The following GLIS3 variants were observed in gnomAD, a reference collection of about 807,000 sequenced individuals.
GLIS3 encodes the protein zinc finger protein GLIS3.
GLIS3 carries 53 observed loss-of-function variants against 78.6 expected under a neutral mutation model. The ratio of observed to expected loss-of-function variants is 0.67; its 90% CI spans 0.54 to 0.85. The LOEUF (loss-of-function observed/expected upper bound fraction) is 0.85. Ranked by LOEUF, GLIS3 falls within the 40% of genes least tolerant of loss-of-function variation. The pLI, the probability that GLIS3 is intolerant of heterozygous loss-of-function variation, is 0.00. For missense variants in GLIS3, 1,703 were observed against 1,231.1 expected (o/e 1.38, Z -5.74); for synonymous variants, 684 against 509.9 (o/e 1.34, Z -4.60).
At chr9:4,158,720 TCCC>T (rs967959719) in intron 2 of GLIS3, among the ~76,000 whole-genome samples, 2 of 152,102 alleles carry the variant, frequency 1.3e-5, no homozygotes, top group Non-Finnish European at 2.9e-5. Flanking sequence ...CAAGTAACAT[TCCC>T]CCATTTTCAT....
chr9:4,313,277 A>G (rs990326222), intron 2 of GLIS3, among the ~76,000 whole-genome samples: 4 of 152,300 alleles, frequency 2.6e-5, no homozygotes, highest in Middle Eastern at 6.8e-3. Flanking sequence ...GTCTGCCTCC[A>G]TAGCCCACAG....
intron 2 of GLIS3, among the ~76,000 whole-genome samples, chr9:4,221,557 T>C (rs1264260051): frequency 6.6e-6 from 1 of 152,214 alleles, no homozygotes; most frequent in African/African-American, 2.4e-5. Flanking sequence ...TTTCTCTAGA[T>C]TTAATTCAGA....
the GLIS3 span, among the ~76,000 whole-genome samples, chr9:4,489,601 A>G: frequency 6.6e-6 from 1 of 152,172 alleles, no homozygotes; most frequent in Non-Finnish European, 1.5e-5. Flanking sequence ...TCACTTAGCA[A>G]CACCAAATAT....
chr9:4,219,251 G>C (rs1821114832), intron 2 of GLIS3, among the ~76,000 whole-genome samples: 1 of 152,186 alleles, frequency 6.6e-6, no homozygotes. Flanking sequence ...CCAACATCAA[G>C]TACATAGGCT....
At chr9:4,204,922 A>T (rs1013586574) in intron 2 of GLIS3, among the ~76,000 whole-genome samples, 13 of 151,438 alleles carry the variant, frequency 8.6e-5, no homozygotes, top group African/African-American at 3.1e-4. Context: ...TCAAAAAAAA[A>T]GAAGGAGTCA....
At chr9:4,260,416 A>T (rs1205126931) in intron 2 of GLIS3, among the ~76,000 whole-genome samples, 1 of 151,956 alleles carries the variant, frequency 6.6e-6, no homozygotes, top group Non-Finnish European at 1.5e-5. Context: ...AAAATACAAG[A>T]ATTAGCTTGG....
intron 4 of GLIS3, among the ~76,000 whole-genome samples, chr9:3,960,325 C>T (rs1002943223): frequency 6.6e-6 from 1 of 152,204 alleles, no homozygotes; most frequent in Admixed American, 6.5e-5. Flanking sequence ...ATCTCCAGAA[C>T]TGTGAGACAA....
intron 2 of GLIS3, among the ~76,000 whole-genome samples, chr9:4,159,030 GAAGAAA>G (rs1835266092): frequency 1.3e-5 from 1 of 79,092 alleles, no homozygotes. Flanking sequence ...GAAAGGAGAA[GAAGAAA>G]AAAAAAAAAA....
intron 2 of GLIS3, among the ~76,000 whole-genome samples, chr9:4,332,186 G>C (rs1563935976): frequency 1.3e-5 from 2 of 152,120 alleles, no homozygotes; most frequent in Non-Finnish European, 1.5e-5. Flanking sequence ...TCCCAAAATA[G>C]AAGAAAATAC....
the GLIS3 span, among the ~76,000 whole-genome samples, chr9:4,413,259 G>A: frequency 1.1e-4 from 17 of 152,278 alleles, no homozygotes; most frequent in African/African-American, 3.6e-4. Context: ...AGAATTAAAT[G>A]AGATTGTATA....
intron 6 of GLIS3, 73 bp downstream of exon 6, chr9:3,932,287 G>C: frequency 8.5e-7 from 1 of 1,175,950 alleles, no homozygotes; most frequent in Non-Finnish European, 1.3e-6. Flanking sequence ...CAAGTGCCCT[G>C]CAGAAGCTTC....
chr9:3,910,704 T>C (rs183707434), intron 6 of GLIS3, among the ~76,000 whole-genome samples: 1 of 152,222 alleles, frequency 6.6e-6, no homozygotes, highest in South Asian at 2.1e-4. Flanking sequence ...TCAACTACCA[T>C]GTGATACTGG....
At chr9:4,191,651 G>C (rs1818341697) in intron 2 of GLIS3, among the ~76,000 whole-genome samples, 1 of 152,042 alleles carries the variant, frequency 6.6e-6, no homozygotes, top group Admixed American at 6.6e-5. Context: ...TACAGAGCCT[G>C]GCCTTCTGCC....
At chr9:4,381,542 TTC>T in the GLIS3 span, among the ~76,000 whole-genome samples, 1 of 152,192 alleles carries the variant, frequency 6.6e-6, no homozygotes, top group Non-Finnish European at 1.5e-5. Flanking sequence ...ACAGGTTTCA[TTC>T]TCTGATTTTA....
intron 2 of GLIS3, among the ~76,000 whole-genome samples, chr9:4,217,665 A>G (rs967219791): frequency 6.6e-6 from 1 of 152,178 alleles, no homozygotes; most frequent in African/African-American, 2.4e-5. Context: ...GATAAAGCCA[A>G]TGTGGTTTAA....
the GLIS3 span, among the ~76,000 whole-genome samples, chr9:4,392,104 G>A: frequency 6.6e-6 from 1 of 152,116 alleles, no homozygotes; most frequent in Non-Finnish European, 1.5e-5. Context: ...GCAGGGACAT[G>A]GATGAACCTG....
At position 4,125,906 on chromosome 9, in the gene GLIS3, C is replaced by A. The variant is rs1381392094; in HGVS notation, c.424G>T (p.Gly142Ter). ...ACTAGATTGTTGCAGCTGCCTTTTC[C>A]AATGGACTTGCACTGAGGCCCAAAG... is the stretch of plus-strand genomic sequence containing the variant. Reference protein sequence around the residue: ...LGFGPQCKSIGKGSCNNLVVT... With the variant: ...LGFGPQCKSI Residue 142 changes from glycine (G) to a stop codon, truncating the protein, a stop_gained, in exon 3 of 11, where the codon GGA becomes TGA. Coordinates refer to ENST00000381971, the MANE Select transcript of GLIS3 (RefSeq NM_001042413.2). LOFTEE classifies it high-confidence loss of function. The A allele has an allele frequency of 6.2e-7, 1 of 1,613,970 alleles. No individual in the cohort carries two copies. The highest frequency in any genetic ancestry group is 8.5e-7 in the Non-Finnish European group (1 of 1,179,974).
intron 4 of GLIS3, among the ~76,000 whole-genome samples, chr9:4,029,776 T>C (rs1269711241): frequency 2.0e-5 from 3 of 152,224 alleles, no homozygotes; most frequent in Non-Finnish European, 4.4e-5. Context: ...TTGATGCAAA[T>C]GACTGGATCT....
the GLIS3 span, among the ~76,000 whole-genome samples, chr9:4,401,679 T>C: frequency 1.3e-5 from 2 of 151,916 alleles, no homozygotes; most frequent in African/African-American, 4.8e-5. Context: ...GCGATTCTCA[T>C]GCCTCAGCCT....
Sources: gnomAD v4.1 joint callset for allele counts (sites outside exome capture counted in the v4.1 genomes callset) on GRCh38, gnomAD v4.1.1 for gene constraint, MANE v1.5 for transcripts, NCBI Gene and HGNC (gene_info 2026-07-23, HGNC 2026-07-21) for gene names.